COL17A1: variants seen among roughly 807,000 people sequenced by gnomAD.
COL17A1 encodes the protein collagen type XVII alpha 1 chain, also known as collagen alpha-1(XVII) chain.
COL17A1 carries 181 observed loss-of-function variants against 218.4 expected under a neutral mutation model. The ratio of observed to expected loss-of-function variants is 0.83; its 90% CI spans 0.73 to 0.94. The LOEUF is 0.94. COL17A1 is among the 40% of genes least tolerant of loss of function. The pLI is 0.00. For missense variants in COL17A1, 1,924 were observed against 1,945.9 expected (o/e 0.99, Z 0.21); for synonymous variants, 721 against 731.0 (o/e 0.99, Z 0.22).
chr10:104,059,065 C>T (rs991750085), intron 15 of COL17A1, among the ~76,000 whole-genome samples: 13 of 152,222 alleles, frequency 8.5e-5, no homozygotes, highest in African/African-American at 3.1e-4. Flanking sequence ...CCTAGACCTA[C>T]CCCTAAAATG....
intron 29 of COL17A1, 157 bp from the exon 30 acceptor site, chr10:104,048,261 G>T (rs1458086786): frequency 8.8e-6 from 7 of 799,332 alleles, no homozygotes; most frequent in African/African-American, 3.4e-5. Context: ...TCTGGATACG[G>T]TACTCCCACT....
chr10:104,052,500 C>T (rs1173921620), intron 23 of COL17A1, among the ~76,000 whole-genome samples: 1 of 152,182 alleles, frequency 6.6e-6, no homozygotes, highest in Non-Finnish European at 1.5e-5. Context: ...TTCCTGCTCA[C>T]AGTCTGTTAG....
At chr10:104,078,612 G>A (rs747352951) in intron 2 of COL17A1, 26 bp from the exon 3 acceptor site, 1 of 1,613,954 alleles carries the variant, frequency 6.2e-7, no homozygotes. Flanking sequence ...GAAAAGATGA[G>A]TTCTTATGTA....
At chr10:104,033,818 TC>T in intron 52 of COL17A1, 126 bp downstream of exon 52, 1 of 1,410,600 alleles carries the variant, frequency 7.1e-7, no homozygotes, top group Non-Finnish European at 9.7e-7. Context: ...GGGCTGCCTG[TC>T]CCCTCCAGCC....
chr10:104,042,391 G>A (rs1418277028), intron 36 of COL17A1, 29 bp downstream of exon 36: 8 of 1,613,600 alleles, frequency 5.0e-6, no homozygotes, highest in East Asian at 4.5e-5. Flanking sequence ...TGGGCCCATC[G>A]CTTTGCATTC....
rs2086549417 is a variant in COL17A1, at chr10:104,058,170, T to A, written c.1243A>T (p.Thr415Ser). The change falls in exon 16 of 56, where the codon ACA becomes TCA. Residue 415 changes from threonine (T) to serine (S), a missense_variant. Thr to Ser is a moderately conservative substitution (Grantham distance 58). Coordinates refer to ENST00000648076, the MANE Select transcript of COL17A1 (RefSeq NM_000494.4). ...EANGDLKTVS[T>S]KGKTTTADIH... is the part of the protein sequence containing the mutation. The stretch of plus-strand genomic sequence containing the variant: ...CCTGCAGTGGTGGTCTTGCCCTTTG[T>A]GGACACAGTCTTCAGGTCTCCTGAA... 1 of 1,614,230 alleles carries A rather than the reference T, an allele frequency of 6.2e-7. No individual in the cohort carries two copies. The highest frequency in any genetic ancestry group is 8.5e-7 in the Non-Finnish European group (1 of 1,180,044).
chr10:104,056,366 G>A (rs1426278824), intron 17 of COL17A1, among the ~76,000 whole-genome samples: 3 of 151,984 alleles, frequency 2.0e-5, no homozygotes, highest in East Asian at 1.9e-4. Flanking sequence ...GCAGATCACG[G>A]GGTCAGGAAA....
intron 9 of COL17A1, among the ~76,000 whole-genome samples, chr10:104,067,060 A>G (rs1050574710): frequency 3.9e-5 from 6 of 152,178 alleles, no homozygotes; most frequent in Admixed American, 3.9e-4. Flanking sequence ...ATTGAGGAAG[A>G]GAGGGGAATA....
At chr10:104,049,365 C>T in intron 29 of COL17A1, 44 bp downstream of exon 29, 1 of 1,596,236 alleles carries the variant, frequency 6.3e-7, no homozygotes, top group Non-Finnish European at 8.6e-7. Context: ...GTGGTGACCC[C>T]TCAGATGGGG....
Position 104,064,541 on chromosome 10 carries a change from C to T in COL17A1, c.663G>A (p.Trp221Ter). 1 of 1,613,996 alleles carries T rather than the reference C, an allele frequency of 6.2e-7. No homozygotes were observed. The highest frequency in any genetic ancestry group is 2.2e-5 in the East Asian group (1 of 44,856). The change falls in exon 10 of 56, where the codon TGG becomes TGA. Residue 221 changes from tryptophan to a stop codon, truncating the protein, a stop_gained. Transcript: ENST00000648076. LOFTEE classifies it high-confidence loss of function. ...AGGACCCCGCGGGCAGGGTGGAGGA[C>T]CACACATGGGAGGGAAGGTTGGCAT... is the stretch of plus-strand genomic sequence containing the variant. ...ILDANLPSHV[W>*]SSTLPAGSSM...
intron 13 of COL17A1, among the ~76,000 whole-genome samples, chr10:104,061,070 G>A (rs1394107115): frequency 1.3e-5 from 2 of 152,174 alleles, no homozygotes; most frequent in African/African-American, 4.8e-5. Context: ...AGTTTCTGAG[G>A]GCTCCATGAG....
In COL17A1 at chr10:104,063,747, C is replaced by T; in HGVS notation, c.838G>A (p.Val280Met). ...GTCATCTCAAGATGGTGACACTGAC[C>T]TGAGGAGGATGTGCTGAGTCCAGGG... ...LHPGLSTSSS[V>M]FGMQNNLAPS... The change falls in exon 11 of 56, where the codon GTG (valine) becomes ATG (methionine). Residue 280 changes from valine (V) to methionine (M), a missense_variant and splice_region_variant. Transcript: ENST00000648076. The T allele has an allele frequency of 6.2e-7, 1 of 1,614,118 alleles. No homozygotes were observed. The highest frequency in any genetic ancestry group is 8.5e-7 in the Non-Finnish European group (1 of 1,180,006).
intron 41 of COL17A1, 128 bp from the exon 42 acceptor site, chr10:104,039,768 A>C (rs890540578): frequency 4.7e-5 from 27 of 579,126 alleles, no homozygotes; most frequent in Admixed American, 1.1e-4. Flanking sequence ...TAGAGATGCC[A>C]CACACACACA....
chr10:104,078,493 C>T (rs1179505375), intron 3 of COL17A1, 49 bp downstream of exon 3: 2 of 1,613,328 alleles, frequency 1.2e-6, no homozygotes, highest in Admixed American at 1.7e-5. Flanking sequence ...GGTGTGGGGC[C>T]CTTCAAATGT....
At chr10:104,045,871 C>T (rs138254696) in intron 32 of COL17A1, 78 bp from the exon 33 acceptor site, 67 of 1,153,788 alleles carry the variant, frequency 5.8e-5, no homozygotes, top group Middle Eastern at 2.3e-4. Flanking sequence ...ACTAGTGCTC[C>T]GTCACTCAGC....
chr10:104,035,887 A>AGTGT (rs59454931), intron 48 of COL17A1, among the ~76,000 whole-genome samples: 101,943 of 127,772 alleles, frequency 0.8, 38,500 homozygotes, highest in Non-Finnish European at 0.85. Flanking sequence ...TGAGTACTGG[A>AGTGT]GTGTATGGGA....
chr10:104,075,947 T>C (rs983668135), intron 5 of COL17A1, among the ~76,000 whole-genome samples: 5 of 152,264 alleles, frequency 3.3e-5, no homozygotes, highest in Non-Finnish European at 5.9e-5. Flanking sequence ...CTTTATACAA[T>C]TGTATTTTAT....
rs2086570994 is a variant in COL17A1, at chr10:104,060,285, G to A, written c.980-5C>T. 1.2e-6 allele frequency: 2 copies of A among 1,614,036 alleles called. No homozygotes were observed. Among genetic ancestry groups the A allele is most frequent in the Non-Finnish European group, 1.7e-6 (2 of 1,180,002 alleles). On this transcript the variant is annotated splice_polypyrimidine_tract_variant and splice_region_variant and intron_variant, in intron 13 of 55. Coordinates refer to ENST00000648076, the MANE Select transcript of COL17A1 (RefSeq NM_000494.4). ...TCTGCACACTTGTGGTGCAGGCTGG[G>A]GAGAAAGAAAATGGGTAAGAAGGAA...
chr10:104,077,526 T>G lies in COL17A1; in HGVS notation c.98A>C (p.Lys33Thr), dbSNP rs764724925. Residue 33 changes from lysine (K) to threonine (T), a missense_variant and splice_region_variant, in exon 4 of 56, where the codon AAA (lysine) becomes ACA (threonine). Physicochemically the swap from Lys to Thr is moderately conservative, Grantham distance 78. Transcript: ENST00000648076. ...AGCATAGCCATTGCTGGTCCCGCCT[T>G]CTGCCAGGAACAAAAGCAGGTGATA... ...VTTRLTSLPPKGGTSNGYAKT... is the reference protein window; with the variant it reads ...VTTRLTSLPPTGGTSNGYAKT... 1.2e-6 allele frequency: 2 copies of G among 1,609,854 alleles called. No individual in the cohort carries two copies. Among genetic ancestry groups the G allele is most frequent in the East Asian group, 4.5e-5 (2 of 44,840 alleles).
Sources: gnomAD v4.1 joint callset for allele counts (sites outside exome capture counted in the v4.1 genomes callset) on GRCh38, gnomAD v4.1.1 for gene constraint, MANE v1.5 for transcripts, NCBI Gene and HGNC (gene_info 2026-07-23, HGNC 2026-07-21) for gene names.